Variants in CACNA1B observed in about 807,000 individuals in gnomAD.
The protein encoded by CACNA1B is voltage-dependent N-type calcium channel subunit alpha-1B.
Under a neutral mutation model 247.2 loss-of-function variants are expected in CACNA1B, and 70 were observed. That is an observed-to-expected ratio of 0.28 (90% CI 0.23 to 0.35). The LOEUF is 0.35. CACNA1B is among the 10% of genes least tolerant of loss of function. CACNA1B has a pLI of 1.00. For synonymous variants in CACNA1B, 1,231 were observed against 1,294.4 expected (o/e 0.95, Z 1.05); for missense variants, 2,367 against 3,197.4 (o/e 0.74, Z 6.26).
At chr9:138,065,060 G>A (rs1465700352) in intron 31 of CACNA1B, among the ~76,000 whole-genome samples, 1 of 152,230 alleles carries the variant, frequency 6.6e-6, no homozygotes, top group African/African-American at 2.4e-5. Context: ...TGGGCTATGA[G>A]GTTTTCCAAG....
At chr9:138,021,060 C>T (rs1399428094) in intron 18 of CACNA1B, among the ~76,000 whole-genome samples, 5 of 152,228 alleles carry the variant, frequency 3.3e-5, no homozygotes, top group Admixed American at 6.5e-5. Context: ...GAACAGCCTC[C>T]GCCCTCACAG....
Position 138,059,093 on chromosome 9 carries a change from C to A in CACNA1B, c.4488C>A (p.Pro1496=), listed in dbSNP as rs201657859. Residue 1496 remains proline, a synonymous_variant, in exon 30 of 47, where the codon CCC becomes CCA. Transcript: ENST00000371372. This position sits in a 1 kb window ranked among gnomAD's most constrained non-coding sequence, Gnocchi z 4.2. ...VVLMMKFYDA[P]YEYELMLKCL... is the part of the protein sequence containing the mutation. The stretch of plus-strand genomic sequence containing the variant: ...TCCCCGGGCAGTTCTATGATGCACC[C>A]TATGAGTACGAGCTGATGCTGAAAT... The A allele has an allele frequency of 6.2e-7, 1 of 1,609,884 alleles. No homozygotes were observed. The highest frequency in any genetic ancestry group is 1.1e-5 in the South Asian group (1 of 90,852).
At chr9:138,074,800 G>C (rs1032455766) in intron 34 of CACNA1B, among the ~76,000 whole-genome samples, 1 of 152,230 alleles carries the variant, frequency 6.6e-6, no homozygotes, top group African/African-American at 2.4e-5. Flanking sequence ...TGTGTTTGCC[G>C]AGTGGCTTGC....
chr9:138,024,930 G>A (rs201524815), intron 19 of CACNA1B, 25 bp from the exon 20 acceptor site: 20 of 1,517,092 alleles, frequency 1.3e-5, no homozygotes, highest in Non-Finnish European at 1.6e-5. Context: ...CTGCGCCGAG[G>A]CCTGATGTAC....
At position 138,059,316 on chromosome 9, in the gene CACNA1B, C is replaced by T; in HGVS notation, c.4584+127C>T. ...CCGAGTACCCAGAGTATATGTAATG[C>T]TACAGGGGCCCTGGGGAAGGGGCTG... On this transcript the variant is annotated intron_variant, in intron 30 of 46. Transcript: ENST00000371372. The surrounding 1 kb of genome is among the most constrained non-coding windows in gnomAD (Gnocchi z 4.2). The T allele has an allele frequency of 1.5e-6, 1 of 654,202 alleles. No homozygotes were observed. Among genetic ancestry groups the T allele is most frequent in the Non-Finnish European group, 2.8e-6 (1 of 353,092 alleles). 40.5% of individuals were successfully genotyped at this position (654,202 alleles called of 1,614,324 possible). A position where few individuals can be genotyped will look rare whatever the true frequency, so the allele number is the denominator to read the frequency against.
chr9:138,067,982 C>T (rs916914829), intron 31 of CACNA1B, among the ~76,000 whole-genome samples: 28 of 152,328 alleles, frequency 1.8e-4, no homozygotes, highest in Admixed American at 1.4e-3. Flanking sequence ...AGTGAAAATA[C>T]GCAAATGATG....
intron 40 of CACNA1B, among the ~76,000 whole-genome samples, chr9:138,113,779 A>G (rs1384154660): frequency 6.6e-5 from 6 of 90,802 alleles, no homozygotes; most frequent in African/African-American, 1.3e-4. Context: ...GGAGCGCAGG[A>G]AGGTGCCCAA....
chr9:138,005,735 A>G (rs1958638785), intron 15 of CACNA1B, among the ~76,000 whole-genome samples: 1 of 150,884 alleles, frequency 6.6e-6, no homozygotes, highest in African/African-American at 2.4e-5. Context: ...TACAAATACT[A>G]TGTATCGATA....
intron 6 of CACNA1B, among the ~76,000 whole-genome samples, chr9:137,949,087 G>GCGTGTGTC (rs1459390270): frequency 2.1e-4 from 3 of 14,146 alleles, no homozygotes; most frequent in Admixed American, 8.3e-4. Flanking sequence ...TGGTGTGTGT[G>GCGTGTGTC]TGGTGTGTGC....
At chr9:137,926,795 T>C (rs1957555879) in intron 6 of CACNA1B, among the ~76,000 whole-genome samples, 1 of 152,240 alleles carries the variant, frequency 6.6e-6, no homozygotes, top group East Asian at 1.9e-4. Flanking sequence ...TGATTAGTGA[T>C]GTTGAGCATT....
chr9:138,079,289 A>G (rs981237508), intron 36 of CACNA1B, among the ~76,000 whole-genome samples: 2 of 152,090 alleles, frequency 1.3e-5, no homozygotes, highest in African/African-American at 2.4e-5. Context: ...AAGGCTGAAG[A>G]CTCTACCCCA....
At position 137,986,930 on chromosome 9, in the gene CACNA1B, T is replaced by A; in HGVS notation, c.1974+76T>A. ...TGGGTGCTGGGAAGGCGGACTCTCC[T>A]GTCATTCCCTCCCTTGTTCCTCCAC... On this transcript the variant is annotated intron_variant, in intron 15 of 46. Transcript: ENST00000371372. This position sits in a 1 kb window ranked among gnomAD's most constrained non-coding sequence, Gnocchi z 6.0. 1 of 1,038,720 alleles carries A rather than the reference T, an allele frequency of 9.6e-7. No individual in the cohort carries two copies. 64.3% of individuals were successfully genotyped at this position (1,038,720 alleles called of 1,614,324 possible).
In CACNA1B at chr9:137,913,661, A is replaced by T. The variant is rs1957381595; in HGVS notation, c.622+390A>T. ...CAAAGGGCCACTTGTCTCTTGGCTCAGTCTTGTCAGGGCCACTGGGGACTG... is the reference window on the plus strand; with the variant it reads ...CAAAGGGCCACTTGTCTCTTGGCTCTGTCTTGTCAGGGCCACTGGGGACTG... On this transcript the variant is annotated intron_variant, in intron 4 of 46. Transcript: ENST00000371372. This position sits in a 1 kb window ranked among gnomAD's most constrained non-coding sequence, Gnocchi z 5.2. 6.6e-6 allele frequency among the ~76,000 whole-genome samples: 1 copy of T among 152,212 alleles called. No individual in the cohort carries two copies. The highest frequency in any genetic ancestry group is 2.1e-4 in the South Asian group (1 of 4,822).
intron 6 of CACNA1B, among the ~76,000 whole-genome samples, chr9:137,940,480 T>C (rs1957721101): frequency 6.6e-6 from 1 of 152,218 alleles, no homozygotes; most frequent in South Asian, 2.1e-4. Flanking sequence ...AGTAGAGTTC[T>C]ATCAGACATT....
chr9:138,038,144 G>T (rs1444108850), intron 20 of CACNA1B, among the ~76,000 whole-genome samples: 1 of 152,162 alleles, frequency 6.6e-6, no homozygotes, highest in East Asian at 1.9e-4. Flanking sequence ...AATTATTCTT[G>T]TAAAATTTTG....
chr9:137,949,939 T>C (rs1957860358), intron 6 of CACNA1B, among the ~76,000 whole-genome samples: 1 of 152,170 alleles, frequency 6.6e-6, no homozygotes, highest in African/African-American at 2.4e-5. Flanking sequence ...CATCACAGCA[T>C]CTAAGAAATT....
At position 137,956,805 on chromosome 9, in the gene CACNA1B, AGAG is replaced by A. The variant is rs757001420; in HGVS notation, c.1225_1227del (p.Glu409del). On this transcript the variant is annotated inframe_deletion, in exon 9 of 47. Transcript: ENST00000371372. ...TGCTGGCCGAGGAGGACAGGAATGC[AGAG>A]GAGAAGTCCCCTTTGGACGGTAGGT... 5.6e-6 allele frequency: 9 copies of A among 1,613,696 alleles called. No individual in the cohort carries two copies. The highest frequency in any genetic ancestry group is 3.3e-5 in the Admixed American group (2 of 59,994).
intron 20 of CACNA1B, among the ~76,000 whole-genome samples, chr9:138,029,847 T>G (rs1422369539): frequency 6.6e-6 from 1 of 152,174 alleles, no homozygotes; most frequent in Admixed American, 6.5e-5. Flanking sequence ...ACTCCTGACC[T>G]CAAGTGATCT....
At chr9:138,082,089 T>C (rs1413984333) in intron 36 of CACNA1B, among the ~76,000 whole-genome samples, 1 of 151,240 alleles carries the variant, frequency 6.6e-6, no homozygotes, top group Non-Finnish European at 1.5e-5. Flanking sequence ...ACGTTTTACT[T>C]AGTAACAGAG....
Sources: gnomAD v4.1 joint callset for allele counts (sites outside exome capture counted in the v4.1 genomes callset) on GRCh38, gnomAD v4.1.1 for gene constraint, Gnocchi (gnomAD v3.1) non-coding constraint, MANE v1.5 for transcripts, NCBI Gene and HGNC (gene_info 2026-07-23, HGNC 2026-07-21) for gene names.